Variants in GSE1 observed in about 807,000 individuals in gnomAD.
The protein encoded by GSE1 is Gse1 coiled-coil protein, also known as genetic suppressor element 1.
A neutral mutation model predicts 112.6 loss-of-function variants in GSE1; 32 were observed. The ratio of observed to expected loss-of-function variants is 0.28; its 90% CI spans 0.21 to 0.38. GSE1 has a LOEUF of 0.38. Among genes scored for constraint, GSE1 ranks in the 10% least tolerant of loss-of-function variants. GSE1 has a pLI of 1.00. For missense variants in GSE1, 2,348 were observed against 1,699.2 expected (o/e 1.38, Z -6.71); for synonymous variants, 1,115 against 735.6 (o/e 1.52, Z -8.35).
At chr16:85,444,337 C>G (rs954575889) in intron 2 of GSE1, among the ~76,000 whole-genome samples, 3 of 152,178 alleles carry the variant, frequency 2.0e-5, no homozygotes, top group African/African-American at 4.8e-5. Flanking sequence ...AACCAGGGGA[C>G]AGTGTCTCAA....
At chr16:85,363,325 G>T (rs1201270728) in intron 2 of GSE1, among the ~76,000 whole-genome samples, 1 of 152,182 alleles carries the variant, frequency 6.6e-6, no homozygotes, top group Non-Finnish European at 1.5e-5. Context: ...TGCCCCTTTG[G>T]GGCAGTCTAT....
chr16:85,606,538 G>T (rs2047710679), upstream of GSE1, among the ~76,000 whole-genome samples: 1 of 152,214 alleles, frequency 6.6e-6, no homozygotes, highest in African/African-American at 2.4e-5. Flanking sequence ...CCAGGAAGGG[G>T]CCACTTTGCC....
At chr16:85,620,153 G>GGATGCGC (rs1243209648) in intron 1 of GSE1, among the ~76,000 whole-genome samples, 3 of 152,166 alleles carry the variant, frequency 2.0e-5, no homozygotes, top group Non-Finnish European at 4.4e-5. Flanking sequence ...AGGCTTGGTG[G>GGATGCGC]GATGCGCCTG....
intron 2 of GSE1, among the ~76,000 whole-genome samples, chr16:85,418,449 G>A (rs1021647910): frequency 1.3e-5 from 2 of 152,134 alleles, no homozygotes; most frequent in Admixed American, 6.5e-5. Context: ...GTTTCTCCTG[G>A]CTGCCCATCC....
intron 1 of GSE1, among the ~76,000 whole-genome samples, chr16:85,200,388 C>T (rs151111181): frequency 8.6e-5 from 13 of 151,916 alleles, no homozygotes; most frequent in East Asian, 3.9e-4. Flanking sequence ...GCTTGGGTCT[C>T]GGTGGCTGCA....
At chr16:85,662,050 A>G (rs189747429) in intron 9 of GSE1, among the ~76,000 whole-genome samples, 59 of 152,372 alleles carry the variant, frequency 3.9e-4, no homozygotes, top group African/African-American at 1.3e-3. Flanking sequence ...ATGATGAATA[A>G]GTGATGAGCG....
Position 85,656,382 on chromosome 16 carries a change from CGAGCGCGAGCGCGAGCGT to C in GSE1, c.1035_1052del (p.Arg347_Glu352del), listed in dbSNP as rs775366319. 2.8e-4 allele frequency: 403 copies of C among 1,458,740 alleles called. 3 individuals are homozygous for C. In the African/African-American group the frequency reaches 6.5e-3, roughly 24 times the overall value. The allele number at this position is 1,458,740 out of a possible 1,614,324, so 90.4% of individuals were successfully genotyped here. A position where few individuals can be genotyped will look rare whatever the true frequency, so the allele number is the denominator to read the frequency against. ...AGGAGCTAAGGCGGGAGAGGGAGCGCGAGCGCGAGCGCGAGCGTGAGCGTGAGGCTGACCGCGAGCGGG... is the reference window on the plus strand; with the variant it reads ...AGGAGCTAAGGCGGGAGAGGGAGCGCGAGCGTGAGGCTGACCGCGAGCGGG... On this transcript the variant is annotated inframe_deletion, in exon 7 of 16. Transcript: ENST00000253458.
rs1207831940 is a variant in GSE1, at chr16:85,656,722, G to T, written c.1312+57G>T. 6.2e-6 allele frequency: 9 copies of T among 1,442,510 alleles called. No homozygotes were observed. The East Asian group carries it at 2.2e-4, about 36-fold the overall frequency. 89.4% of individuals were successfully genotyped at this position (1,442,510 alleles called of 1,614,324 possible). On this transcript the variant is annotated intron_variant, in intron 7 of 15. Coordinates refer to ENST00000253458, the MANE Select transcript of GSE1 (RefSeq NM_014615.5). ...AGGTCTCAGCCACCCGCGGGGAGGA[G>T]CCCTGAATCGCAGCACCTGCCGGTT...
At chr16:85,264,570 C>T (rs894880247) in intron 1 of GSE1, among the ~76,000 whole-genome samples, 2 of 152,180 alleles carry the variant, frequency 1.3e-5, no homozygotes, top group Non-Finnish European at 2.9e-5. Flanking sequence ...GCAGAGGACC[C>T]CCAGGGACGA....
chr16:85,392,728 G>A (rs935364352), intron 2 of GSE1, among the ~76,000 whole-genome samples: 2 of 152,226 alleles, frequency 1.3e-5, no homozygotes, highest in Admixed American at 6.5e-5. Flanking sequence ...AGAGCCAGCC[G>A]CATATCACAG....
chr16:85,350,268 G>T (rs1019129689), intron 1 of GSE1, among the ~76,000 whole-genome samples: 2 of 152,216 alleles, frequency 1.3e-5, no homozygotes, highest in Non-Finnish European at 2.9e-5. Flanking sequence ...GTGAGTGGCA[G>T]CTTGGACTCA....
At chr16:85,449,040 GGCAGGTGGCCGGGC>G (rs763275831) in intron 2 of GSE1, among the ~76,000 whole-genome samples, 46 of 152,330 alleles carry the variant, frequency 3.0e-4, no homozygotes, top group Admixed American at 1.2e-3. Context: ...CTCTGTCAAA[GGCAGGTGGCCGGGC>G]GCAGGAGGGA....
intron 1 of GSE1, among the ~76,000 whole-genome samples, chr16:85,320,468 G>GTTTTGTTTTA (rs965789175): frequency 2.0e-5 from 3 of 151,898 alleles, no homozygotes; most frequent in African/African-American, 7.2e-5. Flanking sequence ...GTTTTGTTTT[G>GTTTTGTTTTA]TTTTTTTGTA....
chr16:85,196,368 C>T (rs2143504026), intron 1 of GSE1, among the ~76,000 whole-genome samples: 1 of 152,258 alleles, frequency 6.6e-6, no homozygotes, highest in South Asian at 2.1e-4. Flanking sequence ...AGGGGACCTG[C>T]ATCTGACTGT....
chr16:85,458,302 AC>A (rs1484074860), intron 2 of GSE1, among the ~76,000 whole-genome samples: 2 of 152,244 alleles, frequency 1.3e-5, no homozygotes, highest in East Asian at 3.8e-4. Flanking sequence ...CAGCCCAAGG[AC>A]ACAGCTGAGG....
At chr16:85,593,805 C>G (rs141946877) in intron 1 of GSE1, 1 of 152,388 alleles carries the variant, frequency 6.6e-6, no homozygotes, top group Non-Finnish European at 1.5e-5. Flanking sequence ...ATTGGTTTGG[C>G]CACAGCAAGC....
intron 1 of GSE1, among the ~76,000 whole-genome samples, chr16:85,348,183 A>G (rs1349181878): frequency 1.3e-5 from 2 of 151,810 alleles, no homozygotes; most frequent in African/African-American, 2.4e-5. Context: ...CCCATTCACT[A>G]TTCATCTATC....
Position 85,673,746 on chromosome 16 carries a change from AG to A in GSE1, c.*1212del, listed in dbSNP as rs894116806. On this transcript the variant is annotated 3_prime_UTR_variant, in exon 16 of 16. Transcript: ENST00000253458. ...TATTACCCATTGCTATCAAGGGAGG[AG>A]GGGGTAGTCTGTAGAACCCATGTGT... The A allele has an allele frequency of 1.3e-5, 2 of 152,194 alleles. No homozygotes were observed. Among genetic ancestry groups the A allele is most frequent in the South Asian group, 2.1e-4 (1 of 4,822 alleles). 9.4% of individuals were successfully genotyped at this position (152,194 alleles called of 1,614,324 possible). A position where few individuals can be genotyped will look rare whatever the true frequency, so the allele number is the denominator to read the frequency against.
At chr16:85,454,911 C>T (rs1179803431) in intron 2 of GSE1, among the ~76,000 whole-genome samples, 7 of 152,188 alleles carry the variant, frequency 4.6e-5, no homozygotes, top group Non-Finnish European at 2.9e-5. Flanking sequence ...AAAGCCCCTG[C>T]CTCCAAATAA....
Sources: allele counts gnomAD v4.1 joint callset (sites outside exome capture counted in the v4.1 genomes callset), GRCh38; gene constraint gnomAD v4.1.1; transcripts MANE v1.5; gene names NCBI Gene and HGNC (gene_info 2026-07-23, HGNC 2026-07-21).